The following UGT2B7 variants were observed in gnomAD, a reference collection of about 807,000 sequenced individuals.
UGT2B7 encodes the protein UDP-glucuronosyltransferase 2B7.
In UGT2B7, 51 loss-of-function variants were observed where a neutral mutation model predicts 51.9. The observed-to-expected ratio is 0.98, with a 90% CI of 0.78 to 1.24. The LOEUF is 1.24. Among genes scored for constraint, UGT2B7 ranks in the 50% most tolerant of loss-of-function variants. The pLI is 0.00. For synonymous variants in UGT2B7, 225 were observed against 211.6 expected (o/e 1.06, Z -0.55); for missense variants, 727 against 628.4 (o/e 1.16, Z -1.68).
In UGT2B7 at chr4:69,064,094, A is replaced by AAGAGAGAG. The variant is rs112391559; in HGVS notation, c.-159+12497_-159+12498insGAGAGAGA. 1.4e-3 allele frequency among the ~76,000 whole-genome samples: 120 copies of AAGAGAGAG among 84,460 alleles called. 2 individuals are homozygous for AAGAGAGAG. The highest frequency in any genetic ancestry group is 6.0e-3 in the Middle Eastern group (1 of 168). 55.4% of individuals were successfully genotyped at this position (84,460 alleles called of 152,430 possible). On this transcript the variant is annotated intron_variant, in intron 1 of 5. Transcript: ENST00000502942. ...AAAGAAAGAAAGAAAGAAAGAAAGA[A>AAGAGAGAG]AGAGAAAGAAAGAAAGAAAAAGAAA... is the stretch of plus-strand genomic sequence containing the variant.
At chr4:69,070,943 T>C (rs1718588089) in intron 1 of UGT2B7, among the ~76,000 whole-genome samples, 1 of 152,274 alleles carries the variant, frequency 6.6e-6, no homozygotes, top group Non-Finnish European at 1.5e-5. Context: ...GAAAATTTTC[T>C]TTGTTTCAAA....
chr4:69,084,191 T>C (rs1718898705), intron 1 of UGT2B7, among the ~76,000 whole-genome samples: 3 of 152,154 alleles, frequency 2.0e-5, no homozygotes, highest in Admixed American at 6.6e-5. Context: ...GTTTTGCATA[T>C]GCTTAACCTT....
At chr4:69,092,729 T>C (rs1030044022), upstream of UGT2B7, among the ~76,000 whole-genome samples, 2 of 152,044 alleles carry the variant, frequency 1.3e-5, no homozygotes, top group African/African-American at 4.8e-5. Flanking sequence ...AAATGAGTTA[T>C]CAAAATAAAT....
chr4:69,074,435 T>G (rs1718660999), intron 1 of UGT2B7, among the ~76,000 whole-genome samples: 1 of 148,588 alleles, frequency 6.7e-6, no homozygotes, highest in Non-Finnish European at 1.5e-5. Flanking sequence ...TAAATATATA[T>G]ATATATATAT....
chr4:69,090,460 T>C (rs1719061865), intron 2 of UGT2B7, among the ~76,000 whole-genome samples: 1 of 126,962 alleles, frequency 7.9e-6, no homozygotes, highest in Non-Finnish European at 1.6e-5. Context: ...AACTTCTTTT[T>C]CTTTTTTAAT....
At chr4:69,106,438 T>C (rs964356756) in intron 3 of UGT2B7, among the ~76,000 whole-genome samples, 1 of 152,194 alleles carries the variant, frequency 6.6e-6, no homozygotes, top group Admixed American at 6.6e-5. Context: ...ATTTTGTTCT[T>C]TTTTATGACT....
In UGT2B7 at chr4:69,097,107, T is replaced by C; in HGVS notation, c.587T>C (p.Val196Ala). The change falls in exon 1 of 6, where the codon GTT becomes GCT. Residue 196 changes from valine (V) to alanine (A), a missense_variant. Transcript: ENST00000305231. ...ATTTTCCCTCCTTCCTACGTACCTG[T>C]TGTTATGTCAGAATTAACTGATCAA... is the stretch of plus-strand genomic sequence containing the variant. ...GFIFPPSYVPVVMSELTDQMT... is the reference protein window; with the variant it reads ...GFIFPPSYVPAVMSELTDQMT... The C allele has an allele frequency of 6.2e-7, 1 of 1,613,728 alleles. No individual in the cohort carries two copies. The highest frequency in any genetic ancestry group is 8.5e-7 in the Non-Finnish European group (1 of 1,179,708).
At chr4:69,064,154 G>A (rs1577908665) in intron 1 of UGT2B7, among the ~76,000 whole-genome samples, 1 of 151,838 alleles carries the variant, frequency 6.6e-6, no homozygotes, top group Admixed American at 6.6e-5. Flanking sequence ...AAATTAAAAA[G>A]AGAAATAAGC....
In UGT2B7 at chr4:69,102,840, A is replaced by T. The variant is rs1248580566; in HGVS notation, c.904A>T (p.Asn302Tyr). The change falls in exon 3 of 6, where the codon AAT (asparagine) becomes TAT (tyrosine). Residue 302 changes from asparagine (N) to tyrosine (Y), a missense_variant. Coordinates refer to ENST00000305231, the MANE Select transcript of UGT2B7 (RefSeq NM_001074.4). ...AGACTTTGTACAGAGCTCTGGAGAA[A>T]ATGGTGTTGTGGTGTTTTCTCTGGG... ...MEDFVQSSGENGVVVFSLGSM... is the reference protein window; with the variant it reads ...MEDFVQSSGEYGVVVFSLGSM... The T allele has an allele frequency of 6.2e-7, 1 of 1,613,350 alleles. No homozygotes were observed. The highest frequency in any genetic ancestry group is 8.5e-7 in the Non-Finnish European group (1 of 1,179,670).
chr4:69,057,601 T>A (rs979229166), intron 1 of UGT2B7, among the ~76,000 whole-genome samples: 1 of 152,194 alleles, frequency 6.6e-6, no homozygotes, highest in African/African-American at 2.4e-5. Flanking sequence ...ACAGCACTAT[T>A]ACAAAAGCTC....
intron 1 of UGT2B7, among the ~76,000 whole-genome samples, chr4:69,075,813 C>G (rs554328805): frequency 1.3e-5 from 2 of 152,054 alleles, no homozygotes; most frequent in Non-Finnish European, 2.9e-5. Context: ...AAGTTCTGGG[C>G]TACATGTGCA....
At chr4:69,083,992 T>C (rs11938761) in intron 1 of UGT2B7, among the ~76,000 whole-genome samples, 87,027 of 151,286 alleles carry the variant, frequency 0.58, 25,983 homozygotes, top group African/African-American at 0.71. Context: ...TTTCCTTTTT[T>C]ACTCTGATGT....
In UGT2B7 at chr4:69,077,348, G is replaced by T. The variant is rs185932826; in HGVS notation, c.-158-12124G>T. 1.3e-4 allele frequency among the ~76,000 whole-genome samples: 20 copies of T among 152,016 alleles called. No individual in the cohort carries two copies. In the East Asian group the frequency reaches 3.9e-3, roughly 29 times the overall value. ...AGTCAATGATAGCTTGATGGCAATA[G>T]CATTGAATTTATAAATTACTTTTGT... On this transcript the variant is annotated intron_variant, in intron 1 of 5. Transcript: ENST00000502942.
upstream of UGT2B7, among the ~76,000 whole-genome samples, chr4:69,092,231 T>C (rs1454186940): frequency 6.6e-6 from 1 of 152,206 alleles, no homozygotes; most frequent in Non-Finnish European, 1.5e-5. Context: ...AGCCACTATA[T>C]TTGGCTTGTA....
intron 3 of UGT2B7, among the ~76,000 whole-genome samples, chr4:69,106,832 A>G (rs1419727967): frequency 6.7e-6 from 1 of 148,674 alleles, no homozygotes; most frequent in Non-Finnish European, 1.5e-5. Flanking sequence ...TTTGATTTGC[A>G]TTTCTCTAAT....
rs1197373389 is a variant in UGT2B7, at chr4:69,102,928, T to A, written c.992T>A (p.Ile331Asn). The A allele has an allele frequency of 6.8e-6, 11 of 1,612,656 alleles. No individual in the cohort carries two copies. The highest frequency in any genetic ancestry group is 9.3e-6 in the Non-Finnish European group (11 of 1,179,388). The change falls in exon 3 of 6, where the codon ATC (isoleucine) becomes AAC (asparagine). Residue 331 changes from isoleucine (I) to asparagine (N), a missense_variant. Physicochemically the swap from Ile to Asn is moderately radical, Grantham distance 149 (BLOSUM62 -3). Coordinates refer to ENST00000305231, the MANE Select transcript of UGT2B7 (RefSeq NM_001074.4). ...ANVIASALAQ[I>N]PQKVLWRFDG... Reference sequence around the variant, plus strand: ...GTAATTGCATCAGCCCTGGCCCAGATCCCACAAAAGGTAAGATGAAGTGCC... The same window carrying A: ...GTAATTGCATCAGCCCTGGCCCAGAACCCACAAAAGGTAAGATGAAGTGCC...
chr4:69,072,598 T>A (rs1718624359), intron 1 of UGT2B7, among the ~76,000 whole-genome samples: 3 of 152,184 alleles, frequency 2.0e-5, no homozygotes, highest in Non-Finnish European at 4.4e-5. Flanking sequence ...TTAATAGTCT[T>A]AAATATATTC....
rs562639384 is a variant in UGT2B7 at position 69,063,080 on chromosome 4, G to A, written c.-159+11478G>A. On this transcript the variant is annotated intron_variant, in intron 1 of 5. Coordinates refer to the UGT2B7 transcript ENST00000502942. ...CACGCCTGTAATCCCAGCACTTTGG[G>A]AGGCCGAGGCGGGCGGATCACGAGG... 2.9e-4 allele frequency among the ~76,000 whole-genome samples: 42 copies of A among 147,038 alleles called. 1 individual carries two copies. Among genetic ancestry groups the A allele is most frequent in the South Asian group, 2.6e-3 (12 of 4,702 alleles).
chr4:69,054,159 ACT>A (rs1274004485), intron 1 of UGT2B7, among the ~76,000 whole-genome samples: 1 of 151,516 alleles, frequency 6.6e-6, no homozygotes, highest in Non-Finnish European at 1.5e-5. Context: ...AAAAAAAAAA[ACT>A]CATGTCGGCC....
Sources: gnomAD v4.1 joint callset for allele counts (sites outside exome capture counted in the v4.1 genomes callset) on GRCh38, gnomAD v4.1.1 for gene constraint, MANE v1.5 for transcripts, NCBI Gene and HGNC (gene_info 2026-07-23, HGNC 2026-07-21) for gene names.